TRIM71: variants seen among roughly 807,000 people sequenced by gnomAD.
The protein encoded by TRIM71 is tripartite motif containing 71, also known as E3 ubiquitin-protein ligase TRIM71.
Under a neutral mutation model 61.2 loss-of-function variants are expected in TRIM71, and 9 were observed. The ratio of observed to expected loss-of-function variants is 0.15; its 90% CI spans 0.09 to 0.26. The LOEUF is 0.26. Ranked by LOEUF, TRIM71 falls within the 10% of genes least tolerant of loss-of-function variation. The pLI, the probability that TRIM71 is intolerant of heterozygous loss-of-function variation, is 1.00. For missense variants in TRIM71, 998 were observed against 1,238.7 expected (o/e 0.81, Z 2.92); for synonymous variants, 645 against 553.2 (o/e 1.17, Z -2.33).
intron 1 of TRIM71, among the ~76,000 whole-genome samples, chr3:32,859,999 T>G (rs1013607849): frequency 1.3e-5 from 2 of 152,152 alleles, no homozygotes; most frequent in African/African-American, 4.8e-5. Context: ...TTCTGTTCCC[T>G]GTTGGGCCAG....
intron 2 of TRIM71, among the ~76,000 whole-genome samples, chr3:32,877,028 G>T (rs1379855728): frequency 1.3e-5 from 2 of 151,840 alleles, no homozygotes; most frequent in East Asian, 1.9e-4. Context: ...AGGCATTTTA[G>T]GTCTGTTAAT....
chr3:32,861,177 T>C (rs1292859466), intron 1 of TRIM71, among the ~76,000 whole-genome samples: 1 of 151,272 alleles, frequency 6.6e-6, no homozygotes, highest in African/African-American at 2.4e-5. Context: ...TAAAATAAAG[T>C]AAATAATCTT....
rs1398224240 is a variant in TRIM71, at chr3:32,890,303, T to A, written c.1156-57T>A. ...TGATTAGTTGTGGCTTATGTGGTAT[T>A]TTCTGTGCTTGGCTCTAAGCCTCTG... On this transcript the variant is annotated intron_variant, in intron 3 of 3. Transcript: ENST00000383763. The surrounding 1 kb of genome is among the most constrained non-coding windows in gnomAD (Gnocchi z 6.2). The A allele has an allele frequency of 6.4e-7, 1 of 1,558,698 alleles. No individual in the cohort carries two copies. Among genetic ancestry groups the A allele is most frequent in the African/African-American group, 1.4e-5 (1 of 73,638 alleles).
chr3:32,891,937 T>C lies in TRIM71; in HGVS notation c.*126T>C, dbSNP rs1697031601. The C allele has an allele frequency of 7.8e-7, 1 of 1,274,740 alleles. No homozygotes were observed. The allele number at this position is 1,274,740 out of a possible 1,614,324, so 79.0% of individuals were successfully genotyped here. On this transcript the variant is annotated 3_prime_UTR_variant, in exon 4 of 4. Transcript: ENST00000383763. The surrounding 1 kb of genome is among the most constrained non-coding windows in gnomAD (Gnocchi z 8.2). Reference sequence around the variant, plus strand: ...AGTCTCAGGGAAATTTCTTTTTTCTTTTTTTTTTTTAAAGAGAACAAGAAA... The same window carrying C: ...AGTCTCAGGGAAATTTCTTTTTTCTCTTTTTTTTTTAAAGAGAACAAGAAA...
chr3:32,872,024 G>A (rs1696801982), intron 1 of TRIM71, among the ~76,000 whole-genome samples: 1 of 152,126 alleles, frequency 6.6e-6, no homozygotes, highest in South Asian at 2.1e-4. Context: ...GGCACCTTTA[G>A]TCCCAGCTAC....
chr3:32,837,122 C>T (rs1411080255), intron 1 of TRIM71, among the ~76,000 whole-genome samples: 1 of 152,200 alleles, frequency 6.6e-6, no homozygotes, highest in African/African-American at 2.4e-5. Flanking sequence ...GCCAGTTTCA[C>T]TCCCCAAATG....
At chr3:32,869,538 C>T (rs1696774277) in intron 1 of TRIM71, among the ~76,000 whole-genome samples, 1 of 152,210 alleles carries the variant, frequency 6.6e-6, no homozygotes, top group Non-Finnish European at 1.5e-5. Context: ...CCTGGGTGCA[C>T]GTGCATTTGC....
intron 1 of TRIM71, among the ~76,000 whole-genome samples, chr3:32,827,137 C>G (rs761761258): frequency 5.3e-5 from 8 of 152,008 alleles, no homozygotes; most frequent in Non-Finnish European, 1.2e-4. Flanking sequence ...GTATTTCACT[C>G]AAAAACAATT....
chr3:32,834,586 T>C (rs1696310426), intron 1 of TRIM71, among the ~76,000 whole-genome samples: 1 of 152,044 alleles, frequency 6.6e-6, no homozygotes, highest in Admixed American at 6.6e-5. Flanking sequence ...CATTTTCTTA[T>C]AAAAGGAGGG....
chr3:32,847,143 T>C (rs894019024), intron 1 of TRIM71, among the ~76,000 whole-genome samples: 3 of 151,886 alleles, frequency 2.0e-5, no homozygotes, highest in African/African-American at 2.4e-5. Flanking sequence ...TCCTGCCTTA[T>C]GCTCTGGAGC....
At chr3:32,883,705 G>A (rs1469930895) in intron 2 of TRIM71, among the ~76,000 whole-genome samples, 2 of 152,200 alleles carry the variant, frequency 1.3e-5, no homozygotes, top group African/African-American at 4.8e-5. Flanking sequence ...ACCCAACACA[G>A]CTACCTAGTG....
Position 32,818,602 on chromosome 3 carries a change from C to T in TRIM71, c.522C>T (p.Pro174=), listed in dbSNP as rs1696089466. The T allele has an allele frequency of 5.1e-6, 7 of 1,372,014 alleles. No individual in the cohort carries two copies. Among genetic ancestry groups the T allele is most frequent in the Non-Finnish European group, 5.6e-6 (6 of 1,070,684 alleles). 85.0% of individuals were successfully genotyped at this position (1,372,014 alleles called of 1,614,324 possible). A position where few individuals can be genotyped will look rare whatever the true frequency, so the allele number is the denominator to read the frequency against. ...CACTCCCGCAGGCGCCGCAGCCGCC[C>T]GCGCCTTCCCGCTCGGCACCCGGCG... The part of the protein sequence containing the change: ...APPLPQAPQP[P]APSRSAPGGP... The change falls in exon 1 of 4, where the codon CCC becomes CCT. Residue 174 remains proline (P), a synonymous_variant. Transcript: ENST00000383763.
chr3:32,848,550 C>T (rs1412327919), intron 1 of TRIM71, among the ~76,000 whole-genome samples: 3 of 152,190 alleles, frequency 2.0e-5, no homozygotes, highest in Non-Finnish European at 4.4e-5. Flanking sequence ...ATCTCTTTAT[C>T]TCATATTTCT....
intron 1 of TRIM71, among the ~76,000 whole-genome samples, chr3:32,840,627 C>G (rs543151613): frequency 6.6e-6 from 1 of 152,300 alleles, no homozygotes; most frequent in Non-Finnish European, 1.5e-5. Flanking sequence ...TTCCTTAGGG[C>G]CCCTTGCTGG....
chr3:32,862,055 T>G (rs1045685917), intron 1 of TRIM71, among the ~76,000 whole-genome samples: 7 of 152,190 alleles, frequency 4.6e-5, no homozygotes, highest in African/African-American at 1.7e-4. Context: ...TAGTAATATC[T>G]TAACTGCTTG....
At chr3:32,878,269 G>C (rs1464191433) in intron 2 of TRIM71, among the ~76,000 whole-genome samples, 2 of 152,192 alleles carry the variant, frequency 1.3e-5, no homozygotes, top group Non-Finnish European at 2.9e-5. Context: ...ATATTTTGAA[G>C]GGAATCTTTT....
chr3:32,818,328 C>T lies in TRIM71; in HGVS notation c.248C>T (p.Ala83Val), dbSNP rs1284064696. The change falls in exon 1 of 4, where the codon GCG (alanine) becomes GTG (valine). Residue 83 changes from alanine (A) to valine (V), a missense_variant. Ala to Val is a moderately conservative substitution (Grantham distance 64, BLOSUM62 0). Coordinates refer to ENST00000383763, the MANE Select transcript of TRIM71 (RefSeq NM_001039111.3). ...HRLPAAGGGAAGEPLKLRCPV... is the reference protein window; with the variant it reads ...HRLPAAGGGAVGEPLKLRCPV... ...CTGCCGGCGGCGGGCGGCGGCGCGG[C>T]GGGAGAGCCGCTCAAGCTGCGCTGC... 2 of 1,443,812 alleles carry T rather than the reference C, an allele frequency of 1.4e-6. No homozygotes were observed. Among genetic ancestry groups the T allele is most frequent in the South Asian group, 1.3e-5 (1 of 75,172 alleles). The allele number at this position is 1,443,812 out of a possible 1,614,324, so 89.4% of individuals were successfully genotyped here. A position where few individuals can be genotyped will look rare whatever the true frequency, so the allele number is the denominator to read the frequency against.
In TRIM71 at chr3:32,818,112, T is replaced by C. The variant is rs763615905; in HGVS notation, c.32T>C (p.Ile11Thr). ...TCGTTCCCCGAGACCGATTTCCAGA[T>C]CTGCTTGCTGTGCAAGGAGATGTGC... Reference protein sequence around the residue: MASFPETDFQICLLCKEMCGS... With the variant: MASFPETDFQTCLLCKEMCGS... The change falls in exon 1 of 4, where the codon ATC (isoleucine) becomes ACC (threonine). Residue 11 changes from isoleucine (I) to threonine (T), a missense_variant. Physicochemically the swap from Ile to Thr is moderately conservative, Grantham distance 89. Around this residue, in one of 5 missense-constraint regions of TRIM71, gnomAD observed 527 missense variants for 427.8 expected, o/e 1.23. Transcript: ENST00000383763. 1.2e-6 allele frequency: 2 copies of C among 1,612,162 alleles called. No individual in the cohort carries two copies. The highest frequency in any genetic ancestry group is 1.1e-5 in the South Asian group (1 of 91,070).
intron 1 of TRIM71, among the ~76,000 whole-genome samples, chr3:32,861,556 G>T (rs1696668492): frequency 6.6e-6 from 1 of 152,132 alleles, no homozygotes; most frequent in African/African-American, 2.4e-5. Flanking sequence ...GTGAGTTCCT[G>T]TCTCTACAAA....
Sources: gnomAD v4.1 joint callset for allele counts (sites outside exome capture counted in the v4.1 genomes callset) on GRCh38, gnomAD v4.1.1 for gene constraint, gnomAD v4.1.1 regional missense constraint, Gnocchi (gnomAD v3.1) non-coding constraint, MANE v1.5 for transcripts, NCBI Gene and HGNC (gene_info 2026-07-23, HGNC 2026-07-21) for gene names.